Variants in ZNF423 observed in about 807,000 individuals in gnomAD.
ZNF423 encodes Ebf-associated zinc finger protein.
In ZNF423, 12 loss-of-function variants were observed where a neutral mutation model predicts 95.8. The ratio of observed to expected loss-of-function variants is 0.13; its 90% CI spans 0.08 to 0.20. The LOEUF is 0.20. Ranked by LOEUF, ZNF423 falls within the 10% of genes least tolerant of loss-of-function variation. The pLI is 1.00. For synonymous variants in ZNF423, 749 were observed against 711.9 expected, an observed-to-expected ratio of 1.05 and a Z score of -0.83; for missense variants, 1,316 against 1,737.1, an observed-to-expected ratio of 0.76 and a Z score of 4.31.
At chr16:49,768,335 G>A (rs537485342) in intron 2 of ZNF423, among the ~76,000 whole-genome samples, 35 of 152,312 alleles carry the variant, frequency 2.3e-4, no homozygotes, top group African/African-American at 7.0e-4. Context: ...GCCCAGAATG[G>A]TTTCAAGCAA....
At chr16:49,819,048 T>C (rs946809518) in intron 1 of ZNF423, among the ~76,000 whole-genome samples, 13 of 151,934 alleles carry the variant, frequency 8.6e-5, no homozygotes, top group African/African-American at 2.9e-4. Flanking sequence ...GGTCAAGAGA[T>C]AGAGACCATC....
chr16:49,574,911 G>A (rs1180257812), intron 5 of ZNF423, among the ~76,000 whole-genome samples: 3 of 152,144 alleles, frequency 2.0e-5, no homozygotes, highest in African/African-American at 7.2e-5. Flanking sequence ...CGGAGGAGGT[G>A]GGAAGGATTC....
intron 7 of ZNF423, among the ~76,000 whole-genome samples, chr16:49,495,243 G>T (rs1330236803): frequency 6.6e-6 from 1 of 152,216 alleles, no homozygotes; most frequent in Admixed American, 6.5e-5. Context: ...GAGCTCGTGT[G>T]CTCTCCTGGA....
At chr16:49,668,258 C>T (rs556224010) in intron 3 of ZNF423, among the ~76,000 whole-genome samples, 1 of 152,288 alleles carries the variant, frequency 6.6e-6, no homozygotes, top group Non-Finnish European at 1.5e-5. Context: ...AGAGGCCTTA[C>T]TGTAAAATGG....
chr16:49,662,970 C>T (rs1211791499), intron 3 of ZNF423, among the ~76,000 whole-genome samples: 2 of 152,200 alleles, frequency 1.3e-5, no homozygotes, highest in Non-Finnish European at 2.9e-5. Context: ...CCAGCATCAA[C>T]TCACTGTATG....
intron 3 of ZNF423, among the ~76,000 whole-genome samples, chr16:49,671,533 C>T (rs1334356110): frequency 1.3e-5 from 2 of 152,206 alleles, no homozygotes; most frequent in Non-Finnish European, 2.9e-5. Flanking sequence ...CACCACCCAC[C>T]CCGCCCTGCA....
At chr16:49,781,635 G>A (rs36006236) in intron 2 of ZNF423, among the ~76,000 whole-genome samples, 28,019 of 152,082 alleles carry the variant, frequency 0.18, 2,788 homozygotes, top group Admixed American at 0.28. Flanking sequence ...AAGTGCAGGC[G>A]GGACTGCACG....
intron 3 of ZNF423, among the ~76,000 whole-genome samples, chr16:49,667,327 G>A (rs184603595): frequency 3.7e-4 from 56 of 152,330 alleles, no homozygotes; most frequent in African/African-American, 1.2e-3. Flanking sequence ...ACAGTGGGTC[G>A]GGGCACAGCC....
At chr16:49,539,806 A>T (rs962011157) in intron 5 of ZNF423, among the ~76,000 whole-genome samples, 1 of 152,124 alleles carries the variant, frequency 6.6e-6, no homozygotes, top group African/African-American at 2.4e-5. Context: ...CCTAAAAAAA[A>T]AACAAAACCA....
At chr16:49,581,567 A>G (rs535641241) in intron 5 of ZNF423, among the ~76,000 whole-genome samples, 2 of 152,302 alleles carry the variant, frequency 1.3e-5, no homozygotes, top group African/African-American at 4.8e-5. Context: ...GGTGAGCTCT[A>G]ATCTTCTTTG....
Position 49,637,277 on chromosome 16 carries a change from G to C in ZNF423, c.1899C>G (p.Asn633Lys), listed in dbSNP as rs1352466413. ...AAGGATACTCCCCATTGGAGATGGA[G>C]TTGGCGCTTGCTGAGAGCCGCTGCC... is the stretch of plus-strand genomic sequence containing the variant. ...PKRQRLSASA[N>K]SISNGEYPCN... Residue 633 changes from asparagine to lysine, a missense_variant, in exon 4 of 8, where the codon AAC becomes AAG. Physicochemically the swap from Asn to Lys is moderately conservative, Grantham distance 94. Transcript: ENST00000563137. This position sits in a 1 kb window ranked among gnomAD's most constrained non-coding sequence, Gnocchi z 5.6. The C allele has an allele frequency of 6.2e-7, 1 of 1,614,240 alleles. No individual in the cohort carries two copies. Among genetic ancestry groups the C allele is most frequent in the Non-Finnish European group, 8.5e-7 (1 of 1,180,046 alleles).
chr16:49,680,787 T>A (rs2031320251), intron 3 of ZNF423, among the ~76,000 whole-genome samples: 1 of 152,178 alleles, frequency 6.6e-6, no homozygotes, highest in South Asian at 2.1e-4. Flanking sequence ...AGGTATGGGA[T>A]CCAGGCTGGT....
intron 7 of ZNF423, among the ~76,000 whole-genome samples, chr16:49,496,821 G>A (rs1363277090): frequency 2.0e-5 from 3 of 152,152 alleles, no homozygotes; most frequent in African/African-American, 7.2e-5. Flanking sequence ...ACCTGGCAGG[G>A]TGCTCCACGG....
intron 3 of ZNF423, among the ~76,000 whole-genome samples, chr16:49,712,187 T>C (rs985952703): frequency 2.6e-5 from 4 of 152,194 alleles, no homozygotes; most frequent in Non-Finnish European, 4.4e-5. Flanking sequence ...ATTTAATTGT[T>C]TTAAAATAAT....
chr16:49,684,690 C>T (rs915547926), intron 3 of ZNF423, among the ~76,000 whole-genome samples: 3 of 152,202 alleles, frequency 2.0e-5, no homozygotes, highest in Non-Finnish European at 4.4e-5. Context: ...GAGCAGCAGT[C>T]CAGTTCATGT....
At chr16:49,620,175 A>T (rs1172280395) in intron 5 of ZNF423, among the ~76,000 whole-genome samples, 1 of 149,404 alleles carries the variant, frequency 6.7e-6, no homozygotes, top group Non-Finnish European at 1.5e-5. Flanking sequence ...CACACACACA[A>T]CACACACATA....
At chr16:49,708,835 T>A (rs1232273201) in intron 3 of ZNF423, among the ~76,000 whole-genome samples, 1 of 152,208 alleles carries the variant, frequency 6.6e-6, no homozygotes, top group South Asian at 2.1e-4. Context: ...GCCTGCCTCC[T>A]CCTGCTTCAG....
intron 5 of ZNF423, among the ~76,000 whole-genome samples, chr16:49,534,248 GTT>G (rs11322462): frequency 0.057 from 8,070 of 142,710 alleles, 285 homozygotes; most frequent in Middle Eastern, 0.1. Context: ...CTTTTTTTTT[GTT>G]TTTTTTTTTT....
chr16:49,853,564 G>T (rs988568290), intron 1 of ZNF423: 74 of 872,904 alleles, frequency 8.5e-5, no homozygotes, highest in Non-Finnish European at 9.8e-5. Context: ...TTACAACACC[G>T]AGTCTCGAAA....
Sources: gnomAD v4.1 joint callset for allele counts (sites outside exome capture counted in the v4.1 genomes callset) on GRCh38, gnomAD v4.1.1 for gene constraint, Gnocchi (gnomAD v3.1) non-coding constraint, MANE v1.5 for transcripts, NCBI Gene and HGNC (gene_info 2026-07-23, HGNC 2026-07-21) for gene names.